The following DNAAF3 variants were observed in gnomAD, a reference collection of about 807,000 sequenced individuals.
DNAAF3 encodes the protein UPF0470 protein C19orf51.
Under a neutral mutation model 50.9 loss-of-function variants are expected in DNAAF3, and 40 were observed. The ratio of observed to expected loss-of-function variants is 0.79; its 90% CI spans 0.61 to 1.02. DNAAF3 has a LOEUF of 1.02. Among genes scored for constraint, DNAAF3 ranks in the 50% least tolerant of loss-of-function variants. DNAAF3 has a pLI of 0.00. For synonymous variants in DNAAF3, 327 were observed against 322.8 expected (o/e 1.01, Z -0.14); for missense variants, 763 against 744.7 (o/e 1.02, Z -0.29).
chr19:55,159,204 T>C lies in DNAAF3; in HGVS notation c.1484A>G (p.Gln495Arg), dbSNP rs2085771613. 6.2e-7 allele frequency: 1 copy of C among 1,613,782 alleles called. No individual in the cohort carries two copies. The highest frequency in any genetic ancestry group is 1.3e-5 in the African/African-American group (1 of 74,942). Reference protein sequence around the residue: ...ASNPALEGLTQPLQGGTPHCE... With the variant: ...ASNPALEGLTRPLQGGTPHCE... ...GTGTGGGGTCCCACCCTGCAGAGGCTGGGTCAGGCCCTCAAGGGCTGGGTT... is the reference window on the plus strand; with the variant it reads ...GTGTGGGGTCCCACCCTGCAGAGGCCGGGTCAGGCCCTCAAGGGCTGGGTT... Residue 495 changes from glutamine (Q) to arginine (R), a missense_variant, in exon 12 of 12, where the codon CAG becomes CGG. Physicochemically the swap from Gln to Arg is conservative, Grantham distance 43 (BLOSUM62 1). Coordinates refer to ENST00000524407, the MANE Select transcript of DNAAF3 (RefSeq NM_001256715.2).
Position 55,165,913 on chromosome 19 carries a change from C to T in DNAAF3, c.173G>A (p.Arg58Gln), listed in dbSNP as rs1350872717. 4 of 1,614,228 alleles carry T rather than the reference C, an allele frequency of 2.5e-6. No homozygotes were observed. Among genetic ancestry groups the T allele is most frequent in the Non-Finnish European group, 3.4e-6 (4 of 1,180,046 alleles). The part of the protein sequence containing the change: ...DVLLLGSVDG[R>Q]HLLRTLSRAK... ...TCGGGACAGGGTCCGCAGCAGGTGC[C>T]GTCCATCCACAGAGCCCAGAAGCAG... Residue 58 changes from arginine to glutamine, a missense_variant, in exon 3 of 12, where the codon CGG (arginine) becomes CAG (glutamine). Transcript: ENST00000524407.
rs766022499 is a variant in DNAAF3 at position 55,161,251 on chromosome 19, C to G, written c.789+42G>C. Reference sequence around the variant, plus strand: ...GTTGGGGCCCCTGACTCCTAGGACTCCGAGCAGCAGCAGTGGGCCAGGACA... The same window carrying G: ...GTTGGGGCCCCTGACTCCTAGGACTGCGAGCAGCAGCAGTGGGCCAGGACA... On this transcript the variant is annotated intron_variant, in intron 7 of 11. Coordinates refer to ENST00000524407, the MANE Select transcript of DNAAF3 (RefSeq NM_001256715.2). This position sits in a 1 kb window ranked among gnomAD's most constrained non-coding sequence, Gnocchi z 6.4. The G allele has an allele frequency of 6.3e-7, 1 of 1,597,556 alleles. No homozygotes were observed. Among genetic ancestry groups the G allele is most frequent in the Non-Finnish European group, 8.6e-7 (1 of 1,168,808 alleles).
chr19:55,161,423 G>A lies in DNAAF3; in HGVS notation c.664-5C>T. The A allele has an allele frequency of 1.6e-6, 1 of 609,256 alleles. No individual in the cohort carries two copies. Among genetic ancestry groups the A allele is most frequent in the Non-Finnish European group, 2.8e-6 (1 of 359,478 alleles). The allele number at this position is 609,256 out of a possible 1,614,324, so 37.7% of individuals were successfully genotyped here. A position where few individuals can be genotyped will look rare whatever the true frequency, so the allele number is the denominator to read the frequency against. ...CTGGGGGTGAATGACTTGAGCCTGG[G>A]GTGGGGGGCGGGAAGAAGGGAGCCC... On this transcript the variant is annotated splice_polypyrimidine_tract_variant and splice_region_variant and intron_variant, in intron 6 of 11. Transcript: ENST00000524407. The surrounding 1 kb of genome is among the most constrained non-coding windows in gnomAD (Gnocchi z 6.4).
chr19:55,163,312 ATTTTTTTTT>A lies in DNAAF3; in HGVS notation c.323-1031_323-1023del, dbSNP rs34371299. 3.7e-4 allele frequency among the ~76,000 whole-genome samples: 32 copies of A among 87,242 alleles called. 1 individual carries two copies. The highest frequency in any genetic ancestry group is 3.6e-3 in the Admixed American group (32 of 8,902). 57.2% of individuals were successfully genotyped at this position (87,242 alleles called of 152,430 possible). ...CGTGAGCCATCGCGCCCGGCGGCTAATTTTTTTTTTTTTTTTTTTGTATTTTTAGTAGAG... is the reference window on the plus strand; with the variant it reads ...CGTGAGCCATCGCGCCCGGCGGCTAATTTTTTTTTTGTATTTTTAGTAGAG... On this transcript the variant is annotated intron_variant, in intron 4 of 11. Coordinates refer to ENST00000524407, the MANE Select transcript of DNAAF3 (RefSeq NM_001256715.2).
chr19:55,166,098 T>C lies in DNAAF3; in HGVS notation c.86-98A>G, dbSNP rs1212972634. 6.3e-7 allele frequency: 1 copy of C among 1,598,490 alleles called. No individual in the cohort carries two copies. Among genetic ancestry groups the C allele is most frequent in the East Asian group, 2.3e-5 (1 of 44,256 alleles). On this transcript the variant is annotated intron_variant, in intron 2 of 11. Transcript: ENST00000524407. The surrounding 1 kb of genome is among the most constrained non-coding windows in gnomAD (Gnocchi z 4.0). ...ATGGACTACAAATCCCAGTAGGCGT[T>C]CCGCCCGTGGCCTAGGTTCTAAGGG...
chr19:55,164,942 T>C (rs2085910092), intron 4 of DNAAF3, among the ~76,000 whole-genome samples: 1 of 149,860 alleles, frequency 6.7e-6, no homozygotes, highest in African/African-American at 2.5e-5. Context: ...TCAATAAATA[T>C]ATTGGATTTT....
chr19:55,164,185 A>T (rs962236808), intron 4 of DNAAF3, among the ~76,000 whole-genome samples: 3 of 149,328 alleles, frequency 2.0e-5, no homozygotes, highest in African/African-American at 7.4e-5. Flanking sequence ...AGTCAATTAA[A>T]CCTCTTTTCT....
chr19:55,165,804 C>G (rs1198724069), intron 3 of DNAAF3, 54 bp downstream of exon 3: 5 of 1,584,406 alleles, frequency 3.2e-6, no homozygotes, highest in Non-Finnish European at 4.3e-6. Context: ...AATTTCAATC[C>G]CTTCCTCCCT....
Position 55,162,120 on chromosome 19 carries a change from CG to C in DNAAF3, c.480+12del, listed in dbSNP as rs924519062. 2 of 1,244,840 alleles carry C rather than the reference CG, an allele frequency of 1.6e-6. No individual in the cohort carries two copies. Among genetic ancestry groups the C allele is most frequent in the Non-Finnish European group, 2.0e-6 (2 of 990,260 alleles). The allele number at this position is 1,244,840 out of a possible 1,614,324, so 77.1% of individuals were successfully genotyped here. On this transcript the variant is annotated intron_variant, in intron 5 of 11. Coordinates refer to ENST00000524407, the MANE Select transcript of DNAAF3 (RefSeq NM_001256715.2). Reference sequence around the variant, plus strand: ...CGGCCACCCGATCCCAGATGGAGGCCGGGCGGCGGCACCTTGAGGGCGCGGA... The same window carrying C: ...CGGCCACCCGATCCCAGATGGAGGCCGGCGGCGGCACCTTGAGGGCGCGGA...
At position 55,166,432 on chromosome 19, in the gene DNAAF3, T is replaced by C. The variant is rs1334541236; in HGVS notation, c.-4-15A>G. ...TGGTCATCACCCTGCGGAAAAGACA[T>C]TCTGGGAATCGCACACATTGCCCGC... is the stretch of plus-strand genomic sequence containing the variant. On this transcript the variant is annotated splice_polypyrimidine_tract_variant and intron_variant, in intron 1 of 11. Coordinates refer to ENST00000524407, the MANE Select transcript of DNAAF3 (RefSeq NM_001256715.2). The surrounding 1 kb of genome is among the most constrained non-coding windows in gnomAD (Gnocchi z 4.0). 1.4e-5 allele frequency: 23 copies of C among 1,613,886 alleles called. No individual in the cohort carries two copies. The highest frequency in any genetic ancestry group is 1.9e-5 in the Non-Finnish European group (23 of 1,179,888).
chr19:55,162,281 T>G lies in DNAAF3; in HGVS notation c.332A>C (p.Glu111Ala). Residue 111 changes from glutamate to alanine, a missense_variant, in exon 5 of 12, where the codon GAG becomes GCG. Transcript: ENST00000524407. ...GTTCCCCCACACTTCCAGGAAGGTCTCGCTTCGCTCTACGGAGAGAGGGAG... is the reference window on the plus strand; with the variant it reads ...GTTCCCCCACACTTCCAGGAAGGTCGCGCTTCGCTCTACGGAGAGAGGGAG... ...PEKMGLQERSETFLEVWGNAL... is the reference protein window; with the variant it reads ...PEKMGLQERSATFLEVWGNAL... 4 of 1,250,728 alleles carry G rather than the reference T, an allele frequency of 3.2e-6. No homozygotes were observed. Among genetic ancestry groups the G allele is most frequent in the Non-Finnish European group, 4.0e-6 (4 of 989,018 alleles). 77.5% of individuals were successfully genotyped at this position (1,250,728 alleles called of 1,614,324 possible). A position where few individuals can be genotyped will look rare whatever the true frequency, so the allele number is the denominator to read the frequency against.
Position 55,161,269 on chromosome 19 carries a change from C to A in DNAAF3, c.789+24G>T. ...TAGGACTCCGAGCAGCAGCAGTGGG[C>A]CAGGACAGGCAGTGGACACGCACGT... On this transcript the variant is annotated intron_variant, in intron 7 of 11. Transcript: ENST00000524407. The surrounding 1 kb of genome is among the most constrained non-coding windows in gnomAD (Gnocchi z 6.4). 6.2e-7 allele frequency: 1 copy of A among 1,604,328 alleles called. No individual in the cohort carries two copies. The highest frequency in any genetic ancestry group is 8.5e-7 in the Non-Finnish European group (1 of 1,173,994).
At position 55,163,800 on chromosome 19, in the gene DNAAF3, A is replaced by G. The variant is rs187367208; in HGVS notation, c.323-1510T>C. The stretch of plus-strand genomic sequence containing the variant: ...TGCCTTTAGTAAAATAGATCAGTTT[A>G]GTTCTAACTGTTTAAGAACTTTGAA... On this transcript the variant is annotated intron_variant, in intron 4 of 11. Transcript: ENST00000524407. Among the ~76,000 whole-genome samples the G allele has an allele frequency of 2.3e-3, 351 of 152,320 alleles. 4 individuals carry two copies. Among genetic ancestry groups the G allele is most frequent in the Non-Finnish European group, 4.0e-3 (269 of 68,044 alleles).
Position 55,166,212 on chromosome 19 carries a change from C to T in DNAAF3, c.85+117G>A. The stretch of plus-strand genomic sequence containing the variant: ...GGGAGCGCGCCCTCTGCCGCTGGAG[C>T]GTTGGAGAACGTTAGCGCCCCCCTT... On this transcript the variant is annotated intron_variant, in intron 2 of 11. Coordinates refer to ENST00000524407, the MANE Select transcript of DNAAF3 (RefSeq NM_001256715.2). The surrounding 1 kb of genome is among the most constrained non-coding windows in gnomAD (Gnocchi z 4.0). 1 of 1,546,664 alleles carries T rather than the reference C, an allele frequency of 6.5e-7. No individual in the cohort carries two copies. The highest frequency in any genetic ancestry group is 1.2e-5 in the South Asian group (1 of 84,532).
chr19:55,158,780 G>T lies in DNAAF3; in HGVS notation c.*282C>A. The T allele has an allele frequency of 3.1e-6, 1 of 317,752 alleles. No homozygotes were observed. Among genetic ancestry groups the T allele is most frequent in the Non-Finnish European group, 5.8e-6 (1 of 173,410 alleles). The allele number at this position is 317,752 out of a possible 1,614,324, so 19.7% of individuals were successfully genotyped here. On this transcript the variant is annotated 3_prime_UTR_variant, in exon 12 of 12. Coordinates refer to ENST00000524407, the MANE Select transcript of DNAAF3 (RefSeq NM_001256715.2). The stretch of plus-strand genomic sequence containing the variant: ...CTGGGAACAAGGGGGCCAAAGTCAA[G>T]GGCCTGAGACTCAGTGTCAGATCCT...
rs763080959 is a variant in DNAAF3 at position 55,165,402 on chromosome 19, G to A, written c.290C>T (p.Ala97Val). The change falls in exon 4 of 12, where the codon GCC (alanine) becomes GTC (valine). Residue 97 changes from alanine to valine, a missense_variant. Coordinates refer to ENST00000524407, the MANE Select transcript of DNAAF3 (RefSeq NM_001256715.2). ...VARHMLIFSL[A>V]LEEPEKMGLQ... is the part of the protein sequence containing the mutation. The stretch of plus-strand genomic sequence containing the variant: ...CCCCATCTTCTCCGGTTCCTCCAGG[G>A]CTAGGCTGAAGATCAGCATGTGTCG... The A allele has an allele frequency of 7.4e-6, 12 of 1,614,158 alleles. No homozygotes were observed. The East Asian group carries it at 2.5e-4, about 33-fold the overall frequency.
rs2085767760 is a variant in DNAAF3, at chr19:55,159,032, G to A, written c.*30C>T. Reference sequence around the variant, plus strand: ...CTCATCCTACAACCTGACTTTGGAAGTTGGAGATAAGGGGTGTCTAGGGGT... The same window carrying A: ...CTCATCCTACAACCTGACTTTGGAAATTGGAGATAAGGGGTGTCTAGGGGT... On this transcript the variant is annotated 3_prime_UTR_variant, in exon 12 of 12. Transcript: ENST00000524407. The A allele has an allele frequency of 6.5e-7, 1 of 1,537,020 alleles. No homozygotes were observed. The highest frequency in any genetic ancestry group is 8.7e-7 in the Non-Finnish European group (1 of 1,144,760).
At position 55,161,555 on chromosome 19, in the gene DNAAF3, C is replaced by A; in HGVS notation, c.663+88G>T. 6.8e-7 allele frequency: 1 copy of A among 1,469,230 alleles called. No homozygotes were observed. 91.0% of individuals were successfully genotyped at this position (1,469,230 alleles called of 1,614,324 possible). A position where few individuals can be genotyped will look rare whatever the true frequency, so the allele number is the denominator to read the frequency against. On this transcript the variant is annotated intron_variant, in intron 6 of 11. Transcript: ENST00000524407. The surrounding 1 kb of genome is among the most constrained non-coding windows in gnomAD (Gnocchi z 6.4). The stretch of plus-strand genomic sequence containing the variant: ...GACCCAGGAGTTCAGGCCCCCAAAC[C>A]CTCCTCCCTCAGACTCAGGAGGCCC...
chr19:55,159,791 CT>C, intron 10 of DNAAF3, 107 bp downstream of exon 10: 3 of 946,352 alleles, frequency 3.2e-6, no homozygotes, highest in South Asian at 6.1e-5. Context: ...GCCTGGACCC[CT>C]GGGTCTAAGC....
Sources: gnomAD v4.1 joint callset for allele counts (sites outside exome capture counted in the v4.1 genomes callset) on GRCh38, gnomAD v4.1.1 for gene constraint, Gnocchi (gnomAD v3.1) non-coding constraint, MANE v1.5 for transcripts, NCBI Gene and HGNC (gene_info 2026-07-23, HGNC 2026-07-21) for gene names.